Variants in NYAP2 observed in about 807,000 individuals in gnomAD.
NYAP2 encodes the protein neuronal tyrosine-phosphorylated phosphoinositide-3-kinase adapter 2.
In NYAP2, 23 loss-of-function variants were observed where a neutral mutation model predicts 50.4. The observed-to-expected ratio is 0.46, with a 90% CI of 0.33 to 0.65. The LOEUF (loss-of-function observed/expected upper bound fraction) is 0.65. NYAP2 is among the 30% of genes least tolerant of loss of function. NYAP2 has a pLI of 0.02. For missense variants in NYAP2, 885 were observed against 861.0 expected (o/e 1.03, Z -0.35); for synonymous variants, 394 against 365.2 (o/e 1.08, Z -0.90).
chr2:225,636,982 T>C (rs763480820), intron 6 of NYAP2, among the ~76,000 whole-genome samples: 34 of 152,170 alleles, frequency 2.2e-4, no homozygotes, highest in Non-Finnish European at 4.7e-4. Context: ...ATGAGTGTCA[T>C]TTTAAGACAC....
intron 6 of NYAP2, among the ~76,000 whole-genome samples, chr2:225,646,317 C>G (rs917200556): frequency 6.6e-6 from 1 of 152,170 alleles, no homozygotes; most frequent in African/African-American, 2.4e-5. Flanking sequence ...TTTGGGAGGC[C>G]AAGGCGGGCA....
At chr2:225,405,405 G>A (rs905556498) in intron 2 of NYAP2, among the ~76,000 whole-genome samples, 1 of 151,964 alleles carries the variant, frequency 6.6e-6, no homozygotes, top group South Asian at 2.1e-4. Context: ...TAAAATTCTT[G>A]CATACATAAT....
At chr2:225,634,119 G>T (rs1384872322) in intron 6 of NYAP2, among the ~76,000 whole-genome samples, 1 of 152,116 alleles carries the variant, frequency 6.6e-6, no homozygotes, top group African/African-American at 2.4e-5. Flanking sequence ...GGGAAGGAAG[G>T]GGGAATTCCT....
intron 4 of NYAP2, among the ~76,000 whole-genome samples, chr2:225,532,525 C>T (rs1235245285): frequency 6.6e-6 from 1 of 152,096 alleles, no homozygotes; most frequent in South Asian, 2.1e-4. Context: ...GAACACATTG[C>T]CCTTTGGAAA....
At chr2:225,495,036 G>C (rs1319115237) in intron 3 of NYAP2, among the ~76,000 whole-genome samples, 1 of 152,048 alleles carries the variant, frequency 6.6e-6, no homozygotes, top group East Asian at 1.9e-4. Context: ...ATTAATTAGT[G>C]CTCACATAAC....
chr2:225,401,067 C>T (rs1282824278), intron 2 of NYAP2, 24 bp downstream of exon 2: 1 of 152,530 alleles, frequency 6.6e-6, no homozygotes, highest in Non-Finnish European at 1.5e-5. Context: ...TTTTCAGATT[C>T]TCTAAGCATG....
chr2:225,438,319 TGG>T (rs1689414793), intron 3 of NYAP2, among the ~76,000 whole-genome samples: 2 of 152,314 alleles, frequency 1.3e-5, no homozygotes, highest in Admixed American at 1.3e-4. Flanking sequence ...GCTATTGCAG[TGG>T]TGTAAAGAGA....
intron 3 of NYAP2, among the ~76,000 whole-genome samples, chr2:225,485,800 G>C (rs571135718): frequency 6.6e-6 from 1 of 152,282 alleles, no homozygotes; most frequent in African/African-American, 2.4e-5. Flanking sequence ...ACCTCAAAAA[G>C]CTTCAGAAGC....
exon 6 of NYAP2, chr2:225,627,063 G>T: frequency 6.3e-7 from 1 of 1,597,936 alleles, no homozygotes; most frequent in Non-Finnish European, 8.5e-7. Context: ...GACACCTGTG[G>T]TCACCAGTCG....
At chr2:225,694,798 A>C in the NYAP2 span, among the ~76,000 whole-genome samples, 1 of 151,920 alleles carries the variant, frequency 6.6e-6, no homozygotes, top group Admixed American at 6.6e-5. Context: ...ATCTTCCAGC[A>C]ACCTGAGTTT....
chr2:225,469,859 G>A (rs1689984953), intron 3 of NYAP2, among the ~76,000 whole-genome samples: 2 of 152,102 alleles, frequency 1.3e-5, no homozygotes, highest in African/African-American at 2.4e-5. Context: ...GGGGGATGGG[G>A]GGCTAGGGGA....
intron 4 of NYAP2, among the ~76,000 whole-genome samples, chr2:225,538,966 G>A (rs1212120111): frequency 6.6e-6 from 1 of 151,782 alleles, no homozygotes; most frequent in African/African-American, 2.4e-5. Context: ...ATCTACATTA[G>A]ATATTTCTCC....
At chr2:225,638,246 A>G (rs1693460299) in intron 6 of NYAP2, among the ~76,000 whole-genome samples, 1 of 150,674 alleles carries the variant, frequency 6.6e-6, no homozygotes, top group Non-Finnish European at 1.5e-5. Context: ...CAGAGAGATG[A>G]GTGTCCATCC....
chr2:225,569,088 C>A (rs1559217009), intron 4 of NYAP2, among the ~76,000 whole-genome samples: 1 of 152,036 alleles, frequency 6.6e-6, no homozygotes, highest in South Asian at 2.1e-4. Flanking sequence ...TGAGGGATAG[C>A]AAATAATTTT....
chr2:225,537,467 C>G (rs773517449), intron 4 of NYAP2, among the ~76,000 whole-genome samples: 2 of 152,154 alleles, frequency 1.3e-5, no homozygotes, highest in Non-Finnish European at 2.9e-5. Context: ...GCATGTCTCA[C>G]TTGGTGGCAG....
At position 225,451,228 on chromosome 2, in the gene NYAP2, G is replaced by C. The variant is rs185758553; in HGVS notation, c.221+42127G>C. ...ATCCGTCTACAGCTGCCAGGCACCAGGAAGGCAAGAAACTACCAGGATCAA... is the reference window on the plus strand; with the variant it reads ...ATCCGTCTACAGCTGCCAGGCACCACGAAGGCAAGAAACTACCAGGATCAA... On this transcript the variant is annotated intron_variant, in intron 3 of 6. Transcript: ENST00000636099. 3.8e-3 allele frequency among the ~76,000 whole-genome samples: 571 copies of C among 152,230 alleles called. 2 individuals are homozygous for C. The highest frequency in any genetic ancestry group is 6.2e-3 in the Non-Finnish European group (424 of 68,008).
the NYAP2 span, among the ~76,000 whole-genome samples, chr2:225,662,352 A>T: frequency 2.0e-5 from 3 of 152,270 alleles, no homozygotes; most frequent in Admixed American, 2.0e-4. Context: ...ACACTTGAGC[A>T]CATCGAACCC....
At chr2:225,650,530 A>G (rs1431422829) in intron 6 of NYAP2, among the ~76,000 whole-genome samples, 1 of 152,208 alleles carries the variant, frequency 6.6e-6, no homozygotes, top group Admixed American at 6.5e-5. Flanking sequence ...CTAATTTGTA[A>G]GTTGAGGATA....
intron 4 of NYAP2, among the ~76,000 whole-genome samples, chr2:225,531,657 G>T (rs138338797): frequency 1.3e-5 from 2 of 152,252 alleles, no homozygotes; most frequent in African/African-American, 2.4e-5. Context: ...GCACTTTCAG[G>T]CACCTTTAAT....
Sources: gnomAD v4.1 joint callset for allele counts (sites outside exome capture counted in the v4.1 genomes callset) on GRCh38, gnomAD v4.1.1 for gene constraint, MANE v1.5 for transcripts, NCBI Gene and HGNC (gene_info 2026-07-23, HGNC 2026-07-21) for gene names.